Variants in FAM135B observed in about 807,000 individuals in gnomAD.
FAM135B encodes the protein protein FAM135B.
In FAM135B, 43 loss-of-function variants were observed where a neutral mutation model predicts 127.7. That is an observed-to-expected ratio of 0.34 (90% CI 0.26 to 0.43). FAM135B has a LOEUF of 0.43. Among genes scored for constraint, FAM135B ranks in the 20% least tolerant of loss-of-function variants. The probability of loss-of-function intolerance (pLI) is 1.00; values close to 1 mark genes in which losing one functional copy is unlikely to be tolerated. For synonymous variants in FAM135B, 670 were observed against 665.1 expected (o/e 1.01, Z -0.11); for missense variants, 1,558 against 1,725.6 (o/e 0.90, Z 1.72).
chr8:138,331,748 C>A (rs1334273350), intron 2 of FAM135B, among the ~76,000 whole-genome samples: 2 of 152,282 alleles, frequency 1.3e-5, no homozygotes, highest in East Asian at 1.9e-4. Context: ...GTTTCTACTT[C>A]TTTTATAACA....
chr8:138,361,692 C>T (rs944361475), intron 2 of FAM135B, among the ~76,000 whole-genome samples: 1 of 152,148 alleles, frequency 6.6e-6, no homozygotes, highest in African/African-American at 2.4e-5. Flanking sequence ...ATCCTCTCAC[C>T]TCCGCCCACT....
rs1166235927 is a variant in FAM135B at position 138,142,285 on chromosome 8, C to CTTTTTTTTTTTTTTTTTT, written c.3638+726_3638+727insAAAAAAAAAAAAAAAAAA. On this transcript the variant is annotated intron_variant, in intron 16 of 19. Transcript: ENST00000395297. ...TTGGGGTGGGCAACTCATTCTGCTTCTTCTTTTTTTTTTTTTTTTTTTTTT... is the reference window on the plus strand; with the variant it reads ...TTGGGGTGGGCAACTCATTCTGCTTCTTTTTTTTTTTTTTTTTTTTCTTTTTTTTTTTTTTTTTTTTTT... Among the ~76,000 whole-genome samples, 2 of 99,934 alleles carry CTTTTTTTTTTTTTTTTTT rather than the reference C, an allele frequency of 2.0e-5. 1 individual carries two copies. Among genetic ancestry groups the CTTTTTTTTTTTTTTTTTT allele is most frequent in the African/African-American group, 7.5e-5 (2 of 26,706 alleles). The allele number at this position is 99,934 out of a possible 152,430, so 65.6% of individuals were successfully genotyped here.
chr8:138,475,860 T>C (rs753578091), intron 1 of FAM135B, among the ~76,000 whole-genome samples: 2 of 152,192 alleles, frequency 1.3e-5, no homozygotes, highest in Admixed American at 6.5e-5. Flanking sequence ...TCATGCCCTT[T>C]GCATTTACCC....
At chr8:138,404,843 T>C (rs1833363497) in intron 1 of FAM135B, among the ~76,000 whole-genome samples, 1 of 152,196 alleles carries the variant, frequency 6.6e-6, no homozygotes. Flanking sequence ...CTTCTTCCAC[T>C]GAAGTCTTGA....
At chr8:138,398,017 G>C (rs1171214685) in intron 1 of FAM135B, among the ~76,000 whole-genome samples, 1 of 152,132 alleles carries the variant, frequency 6.6e-6, no homozygotes, top group East Asian at 1.9e-4. Flanking sequence ...CAGGGCAGCG[G>C]GAGCTCTCCT....
intron 1 of FAM135B, among the ~76,000 whole-genome samples, chr8:138,472,079 A>C (rs1015064612): frequency 6.6e-6 from 1 of 152,154 alleles, no homozygotes; most frequent in African/African-American, 2.4e-5. Context: ...TGAGAAAATG[A>C]GGACAATAAG....
chr8:138,322,812 C>G (rs1442231069), intron 2 of FAM135B, among the ~76,000 whole-genome samples: 1 of 152,158 alleles, frequency 6.6e-6, no homozygotes, highest in African/African-American at 2.4e-5. Context: ...GAATCCCAGC[C>G]TCACATAGCT....
At chr8:138,174,072 A>C (rs998732002) in intron 11 of FAM135B, among the ~76,000 whole-genome samples, 10 of 152,186 alleles carry the variant, frequency 6.6e-5, no homozygotes, top group Non-Finnish European at 1.3e-4. Context: ...AAGTTTCAGC[A>C]GACAGTCCTT....
chr8:138,355,785 G>A (rs571532706), intron 2 of FAM135B, among the ~76,000 whole-genome samples: 1 of 152,294 alleles, frequency 6.6e-6, no homozygotes, highest in South Asian at 2.1e-4. Context: ...GAAATAGGGG[G>A]AGAAAGACAT....
At chr8:138,290,018 A>T (rs1441338927) in intron 3 of FAM135B, among the ~76,000 whole-genome samples, 1 of 152,158 alleles carries the variant, frequency 6.6e-6, no homozygotes, top group Non-Finnish European at 1.5e-5. Flanking sequence ...GCCTAAAAAC[A>T]CTGTGTCAGG....
chr8:138,317,794 G>A (rs1339502313), intron 2 of FAM135B, among the ~76,000 whole-genome samples: 2 of 152,120 alleles, frequency 1.3e-5, no homozygotes, highest in African/African-American at 4.8e-5. Context: ...ATGGATATAC[G>A]GGACAAGAAA....
At chr8:138,265,632 A>G in intron 4 of FAM135B, 71 bp downstream of exon 4, 1 of 1,545,576 alleles carries the variant, frequency 6.5e-7, no homozygotes, top group Non-Finnish European at 8.9e-7. Flanking sequence ...TTCAACATTT[A>G]CCTAGCAATG....
chr8:138,228,440 A>C (rs141067117), intron 7 of FAM135B, among the ~76,000 whole-genome samples: 1 of 152,040 alleles, frequency 6.6e-6, no homozygotes, highest in South Asian at 2.1e-4. Flanking sequence ...CACCATATTC[A>C]AGGTTGTTTA....
At chr8:138,166,707 A>G (rs975581734) in intron 12 of FAM135B, among the ~76,000 whole-genome samples, 2 of 152,244 alleles carry the variant, frequency 1.3e-5, no homozygotes, top group African/African-American at 4.8e-5. Flanking sequence ...TGAGATATAC[A>G]TACATTTAAG....
intron 7 of FAM135B, among the ~76,000 whole-genome samples, chr8:138,228,380 A>G (rs1819640811): frequency 6.6e-6 from 1 of 152,092 alleles, no homozygotes; most frequent in South Asian, 2.1e-4. Context: ...GTTAATAACT[A>G]TTGCATCACC....
At chr8:138,315,250 A>G (rs1217254689) in intron 2 of FAM135B, among the ~76,000 whole-genome samples, 3 of 152,192 alleles carry the variant, frequency 2.0e-5, no homozygotes, top group Non-Finnish European at 4.4e-5. Flanking sequence ...GGAAACACAA[A>G]TCAAAACCAC....
At chr8:138,365,992 A>G (rs778893831) in intron 2 of FAM135B, among the ~76,000 whole-genome samples, 79 of 152,026 alleles carry the variant, frequency 5.2e-4, no homozygotes, top group Non-Finnish European at 1.3e-4. Context: ...TTGTAAATAG[A>G]CGTTCTAATA....
intron 1 of FAM135B, among the ~76,000 whole-genome samples, chr8:138,487,892 T>C (rs1815044860): frequency 6.6e-6 from 1 of 151,984 alleles, no homozygotes; most frequent in Admixed American, 6.6e-5. Context: ...GAATCCCAGC[T>C]ACTGGGGAGG....
chr8:138,252,890 C>A (rs1481672029), intron 5 of FAM135B, among the ~76,000 whole-genome samples: 1 of 152,144 alleles, frequency 6.6e-6, no homozygotes, highest in Non-Finnish European at 1.5e-5. Flanking sequence ...ACCTCTGCCT[C>A]CTGGGTTCAA....
Sources: allele counts gnomAD v4.1 joint callset (sites outside exome capture counted in the v4.1 genomes callset), GRCh38; gene constraint gnomAD v4.1.1; transcripts MANE v1.5; gene names NCBI Gene and HGNC (gene_info 2026-07-23, HGNC 2026-07-21).